Variants in FRMPD4 observed in about 807,000 individuals in gnomAD.
FRMPD4 encodes the protein FERM and PDZ domain containing 4.
FRMPD4 carries 22 observed loss-of-function variants against 94.1 expected under a neutral mutation model. That is an observed-to-expected ratio of 0.23 (90% confidence interval 0.17 to 0.33). The LOEUF is 0.33. Ranked by LOEUF, FRMPD4 falls within the 10% of genes least tolerant of loss-of-function variation. The probability of loss-of-function intolerance (pLI) is 1.00; values close to 1 mark genes in which losing one functional copy is unlikely to be tolerated. For synonymous variants in FRMPD4, 631 were observed against 548.6 expected, an observed-to-expected ratio of 1.15 and a Z score of -2.10; for missense variants, 1,111 against 1,339.9, an observed-to-expected ratio of 0.83 and a Z score of 2.67.
chrX:12,462,104 C>G (rs769389837), intron 1 of FRMPD4, among the ~76,000 whole-genome samples: 2 of 112,003 alleles, frequency 1.8e-5, no homozygotes, highest in South Asian at 7.6e-4. Flanking sequence ...AGGAAGTATT[C>G]TGTCACTTGC....
chrX:12,349,397 G>T (rs1363072509), intron 1 of FRMPD4, among the ~76,000 whole-genome samples: 2 of 110,241 alleles, frequency 1.8e-5, no homozygotes, highest in African/African-American at 6.6e-5. Context: ...GAGCGAGGGG[G>T]TCGGTTAGTA....
At chrX:12,619,725 G>C (rs998198867) in intron 4 of FRMPD4, among the ~76,000 whole-genome samples, 14 of 112,306 alleles carry the variant, frequency 1.2e-4, no homozygotes, top group Non-Finnish European at 2.6e-4. Context: ...GGCCCCAGTT[G>C]TGGACCCTAG....
chrX:12,239,217 C>G (rs2057103289), intron 1 of FRMPD4, among the ~76,000 whole-genome samples: 1 of 112,128 alleles, frequency 8.9e-6, no homozygotes, highest in Non-Finnish European at 1.9e-5. Flanking sequence ...GTTATGCCAT[C>G]AGATTATCCT....
chrX:12,071,060 A>G (rs2054963198), intron 3 of FRMPD4, among the ~76,000 whole-genome samples: 1 of 112,005 alleles, frequency 8.9e-6, no homozygotes, highest in Non-Finnish European at 1.9e-5. Flanking sequence ...GACAATAATA[A>G]GATGGTTGAG....
intron 3 of FRMPD4, among the ~76,000 whole-genome samples, chrX:11,881,878 A>C (rs753203214): frequency 7.1e-5 from 8 of 112,045 alleles, no homozygotes; most frequent in Non-Finnish European, 1.1e-4. Context: ...AATACAGTGC[A>C]GTGAATGCAG....
chrX:12,693,006 C>T (rs1461487198), intron 8 of FRMPD4, among the ~76,000 whole-genome samples: 1 of 111,875 alleles, frequency 8.9e-6, no homozygotes, highest in Non-Finnish European at 1.9e-5. Context: ...CTGCCCACAG[C>T]CAGAAAGCTG....
intron 1 of FRMPD4, among the ~76,000 whole-genome samples, chrX:12,370,454 C>T (rs2056147820): frequency 8.9e-6 from 1 of 112,403 alleles, no homozygotes; most frequent in African/African-American, 3.2e-5. Context: ...CAGGGAAATG[C>T]ACTGTCCCTC....
rs183954060 is a variant in FRMPD4 at position 11,853,023 on chromosome X, A to G, written c.-160-12063A>G. On this transcript the variant is annotated intron_variant, in intron 1 of 18. Coordinates refer to the FRMPD4 transcript ENST00000640291. ...TCAGAAGTAAAACACTCCTTAGCAA[A>G]TGCAAAAGTACTGAAATCATAACAG... Among the ~76,000 whole-genome samples the G allele has an allele frequency of 2.8e-3, 311 of 112,278 alleles. 2 individuals carry two copies. Among genetic ancestry groups the G allele is most frequent in the African/African-American group, 9.4e-3 (291 of 30,931 alleles).
At chrX:12,304,521 CT>C (rs1315482427) in intron 1 of FRMPD4, among the ~76,000 whole-genome samples, 1 of 111,303 alleles carries the variant, frequency 9.0e-6, no homozygotes, top group Admixed American at 9.6e-5. Flanking sequence ...AAAACCACTG[CT>C]TTATAGTAAG....
intron 1 of FRMPD4, among the ~76,000 whole-genome samples, chrX:12,193,752 C>A (rs866123051): frequency 4.9e-4 from 8 of 16,491 alleles, no homozygotes; most frequent in Non-Finnish European, 7.3e-4. Context: ...CCGAAAGAAA[C>A]AGAAAGAAAG....
intron 3 of FRMPD4, among the ~76,000 whole-genome samples, chrX:12,014,736 G>A: frequency 9.0e-6 from 1 of 111,536 alleles, no homozygotes; most frequent in Non-Finnish European, 1.9e-5. Context: ...GAATTTGAGG[G>A]AGAGAGAGCT....
At chrX:12,342,360 T>A (rs2055628173) in intron 1 of FRMPD4, among the ~76,000 whole-genome samples, 1 of 111,869 alleles carries the variant, frequency 8.9e-6, no homozygotes, top group South Asian at 3.7e-4. Flanking sequence ...CAAGACCCTA[T>A]AAAAAAAGGT....
At chrX:12,265,971 A>C (rs1490337937) in intron 1 of FRMPD4, among the ~76,000 whole-genome samples, 1 of 107,615 alleles carries the variant, frequency 9.3e-6, no homozygotes, top group Non-Finnish European at 1.9e-5. Context: ...TACTAAAAAA[A>C]ATACAAAAAA....
At chrX:11,994,562 C>A (rs1461847511) in intron 3 of FRMPD4, among the ~76,000 whole-genome samples, 2 of 110,894 alleles carry the variant, frequency 1.8e-5, no homozygotes, top group African/African-American at 6.6e-5. Context: ...ATTTGACTTA[C>A]GGGGGGAGCT....
At chrX:11,902,120 G>A (rs996887371) in intron 3 of FRMPD4, among the ~76,000 whole-genome samples, 26 of 112,453 alleles carry the variant, frequency 2.3e-4, no homozygotes, top group African/African-American at 8.4e-4. Context: ...CTATAGGTCA[G>A]TTTCAGGTCT....
intron 3 of FRMPD4, among the ~76,000 whole-genome samples, chrX:12,096,367 C>T (rs955380847): frequency 4.2e-4 from 47 of 112,261 alleles, no homozygotes; most frequent in Non-Finnish European, 7.1e-4. Flanking sequence ...ATTTATTGAA[C>T]ATTTATATCT....
At chrX:12,504,201 T>C (rs1254614790) in intron 2 of FRMPD4, among the ~76,000 whole-genome samples, 4 of 112,820 alleles carry the variant, frequency 3.5e-5, no homozygotes, top group Non-Finnish European at 7.5e-5. Flanking sequence ...AAGAGAAATC[T>C]CTTGGTGATA....
At chrX:12,198,873 AGACT>A (rs1197657477) in intron 1 of FRMPD4, among the ~76,000 whole-genome samples, 1 of 112,574 alleles carries the variant, frequency 8.9e-6, no homozygotes. Context: ...CAAGTTTGCC[AGACT>A]GACAGTTTGA....
At chrX:11,970,435 C>T (rs1341365276) in intron 3 of FRMPD4, among the ~76,000 whole-genome samples, 5 of 112,007 alleles carry the variant, frequency 4.5e-5, no homozygotes, top group Non-Finnish European at 7.5e-5. Flanking sequence ...ATCCATGCTC[C>T]GTCATTGGGG....
Sources: allele counts gnomAD v4.1 joint callset (sites outside exome capture counted in the v4.1 genomes callset), GRCh38; gene constraint gnomAD v4.1.1; transcripts MANE v1.5; gene names NCBI Gene and HGNC (gene_info 2026-07-23, HGNC 2026-07-21).